Variants in GART observed in about 807,000 individuals in gnomAD.
The protein encoded by GART is trifunctional purine biosynthetic protein adenosine-3.
Under a neutral mutation model 107.2 loss-of-function variants are expected in GART, and 43 were observed. That is an observed-to-expected ratio of 0.40 (90% CI 0.31 to 0.52). The LOEUF (loss-of-function observed/expected upper bound fraction) is 0.52. GART is among the 20% of genes least tolerant of loss of function. GART has a pLI of 0.52. For missense variants in GART, 1,107 were observed against 1,206.5 expected, an observed-to-expected ratio of 0.92 and a Z score of 1.22; for synonymous variants, 434 against 427.0, an observed-to-expected ratio of 1.02 and a Z score of -0.20.
At chr21:33,517,681 C>G in intron 14 of GART, 73 bp from the exon 15 acceptor site, 2 of 1,476,468 alleles carry the variant, frequency 1.4e-6, no homozygotes, top group East Asian at 4.5e-5. Context: ...GCACAGGCTA[C>G]TCTTAACATG....
intron 4 of GART, 119 bp from the exon 5 acceptor site, chr21:33,532,575 T>C: frequency 2.7e-6 from 2 of 733,456 alleles, no homozygotes; most frequent in Non-Finnish European, 4.6e-6. Flanking sequence ...AAGAAAAAAA[T>C]TAATTATCAT....
In GART at chr21:33,509,870, C is replaced by G. The variant is rs2084753431; in HGVS notation, c.2365G>C (p.Gly789Arg). 8.1e-6 allele frequency: 13 copies of G among 1,613,108 alleles called. No homozygotes were observed. The highest frequency in any genetic ancestry group is 1.0e-5 in the Non-Finnish European group (12 of 1,179,384). ...AGGGAGCCATTCTTCAACACTGACC[C>G]ATTTATTTGCATGCTTTCAATCAGA... ...KNLIESMQIN[G>R]SVLKNGSLTN... The change falls in exon 18 of 22, where the codon GGG becomes CGG. Residue 789 changes from glycine to arginine, a missense_variant. Coordinates refer to ENST00000381815, the MANE Select transcript of GART (RefSeq NM_000819.5).
At position 33,509,767 on chromosome 21, in the gene GART, G is replaced by T. The variant is rs756529408; in HGVS notation, c.2452+16C>A. 6.2e-7 allele frequency: 1 copy of T among 1,612,520 alleles called. No individual in the cohort carries two copies. The highest frequency in any genetic ancestry group is 1.1e-5 in the South Asian group (1 of 90,658). On this transcript the variant is annotated intron_variant, in intron 18 of 21. Transcript: ENST00000381815. ...GCAGTCAACAGCTCTACAGTGAAGG[G>T]GAAGCCACATCTCACCTGTTCCAGA...
intron 3 of GART, 126 bp downstream of exon 3, chr21:33,535,097 CGA>C: frequency 4.9e-6 from 3 of 608,124 alleles, no homozygotes; most frequent in East Asian, 3.1e-5. Context: ...CCATAAATTT[CGA>C]GAGTGGAAGC....
At chr21:33,532,112 A>G in intron 5 of GART, 1 of 463,460 alleles carries the variant, frequency 2.2e-6, no homozygotes, top group Non-Finnish European at 3.8e-6. Context: ...TCAGTGGCAG[A>G]CAACAAAGGA....
At chr21:33,524,129 T>C in intron 11 of GART, 1 of 985,394 alleles carries the variant, frequency 1.0e-6, no homozygotes, top group South Asian at 4.7e-5. Flanking sequence ...AAAATGAGAC[T>C]GTCAAACTTT....
At chr21:33,510,047 T>A in intron 17 of GART, 127 bp from the exon 18 acceptor site, 1 of 804,444 alleles carries the variant, frequency 1.2e-6, no homozygotes, top group Non-Finnish European at 1.9e-6. Context: ...ATGCAAGGAC[T>A]AAAATGAACA....
Position 33,520,511 on chromosome 21 carries a change from T to C in GART, c.1555A>G (p.Met519Val). The C allele has an allele frequency of 6.2e-7, 1 of 1,614,160 alleles. No individual in the cohort carries two copies. Among genetic ancestry groups the C allele is most frequent in the Non-Finnish European group, 8.5e-7 (1 of 1,180,022 alleles). ...TGTGCCAGAATATCATTAACACACA[T>C]TGCTACCAAATCTTGACCAATGGTA... ...HDTIGQDLVA[M>V]CVNDILAQGA... The change falls in exon 14 of 22, where the codon ATG becomes GTG. Residue 519 changes from methionine (M) to valine (V), a missense_variant. Met to Val is a conservative substitution (Grantham distance 21, BLOSUM62 1). Coordinates refer to ENST00000381815, the MANE Select transcript of GART (RefSeq NM_000819.5).
At chr21:33,525,082 TTC>T in intron 10 of GART, 82 bp from the exon 11 acceptor site, 1 of 1,462,556 alleles carries the variant, frequency 6.8e-7, no homozygotes, top group Non-Finnish European at 9.0e-7. Context: ...TTCCACAAGT[TTC>T]TTTTTTTTTT....
At chr21:33,504,985 A>G (rs755546500) in intron 20 of GART, among the ~76,000 whole-genome samples, 4 of 152,130 alleles carry the variant, frequency 2.6e-5, no homozygotes, top group African/African-American at 4.8e-5. Flanking sequence ...AACTACATTC[A>G]CCTAAGAATA....
At chr21:33,534,556 T>A in intron 4 of GART, 23 bp downstream of exon 4, 6 of 1,613,596 alleles carry the variant, frequency 3.7e-6, no homozygotes, top group Non-Finnish European at 5.1e-6. Context: ...ACAACTGTCC[T>A]TCACAGACAA....
chr21:33,534,797 A>G (rs1409641933), intron 3 of GART, 44 bp from the exon 4 acceptor site: 20 of 1,501,252 alleles, frequency 1.3e-5, no homozygotes, highest in Admixed American at 2.4e-5. Context: ...AGGTCTCCCC[A>G]GGGGCTTTTC....
At chr21:33,521,075 A>G in intron 12 of GART, 60 bp from the exon 13 acceptor site, 1 of 1,367,398 alleles carries the variant, frequency 7.3e-7, no homozygotes, top group East Asian at 2.3e-5. Context: ...GTAATTATTT[A>G]AATGTCTACT....
At position 33,511,270 on chromosome 21, in the gene GART, C is replaced by T. The variant is rs1197904708; in HGVS notation, c.2296G>A (p.Val766Met). The part of the protein sequence containing the change: ...HKEEAWVIGS[V>M]VARAEGSPRV... ...CAAGTACCTTCAGCTCGTGCAACCA[C>T]ACTGCCAATCACCCAGGCTTCTTCC... The change falls in exon 17 of 22, where the codon GTG (valine) becomes ATG (methionine). Residue 766 changes from valine (V) to methionine (M), a missense_variant. Physicochemically the swap from Val to Met is conservative, Grantham distance 21 (BLOSUM62 1). Transcript: ENST00000381815. 1.2e-6 allele frequency: 2 copies of T among 1,614,188 alleles called. No homozygotes were observed. Among genetic ancestry groups the T allele is most frequent in the East Asian group, 2.2e-5 (1 of 44,886 alleles).
chr21:33,528,772 AG>A lies in GART; in HGVS notation c.811+77del, dbSNP rs1462010149. 48 of 1,065,990 alleles carry A rather than the reference AG, an allele frequency of 4.5e-5. No homozygotes were observed. The African/African-American group carries it at 5.5e-4, about 12-fold the overall frequency. 66.0% of individuals were successfully genotyped at this position (1,065,990 alleles called of 1,614,324 possible). ...AAAAAGTGGTAAAAAAAAAAAAAAAAGGGAATGGAAAATAAGTTTTATCAAA... is the reference window on the plus strand; with the variant it reads ...AAAAAGTGGTAAAAAAAAAAAAAAAAGGAATGGAAAATAAGTTTTATCAAA... On this transcript the variant is annotated intron_variant, in intron 8 of 21. Coordinates refer to ENST00000381815, the MANE Select transcript of GART (RefSeq NM_000819.5).
intron 5 of GART, 177 bp downstream of exon 5, chr21:33,532,168 G>C (rs1172670924): frequency 5.0e-6 from 3 of 594,578 alleles, no homozygotes; most frequent in African/African-American, 1.9e-5. Context: ...TTAATTTACA[G>C]TGTAAATCCA....
chr21:33,535,329 A>AG lies in GART; in HGVS notation c.146-10dup. The AG allele has an allele frequency of 8.9e-7, 1 of 1,125,310 alleles. No homozygotes were observed. Among genetic ancestry groups the AG allele is most frequent in the Non-Finnish European group, 1.3e-6 (1 of 799,908 alleles). The allele number at this position is 1,125,310 out of a possible 1,614,324, so 69.7% of individuals were successfully genotyped here. On this transcript the variant is annotated splice_polypyrimidine_tract_variant and intron_variant, in intron 2 of 21. Coordinates refer to ENST00000381815, the MANE Select transcript of GART (RefSeq NM_000819.5). Reference sequence around the variant, plus strand: ...GTCACTGATTGAGATGGCTGTAAACAGAAAAAAAAAAAAAAAAACCACTGC... The same window carrying AG: ...GTCACTGATTGAGATGGCTGTAAACAGGAAAAAAAAAAAAAAAAACCACTGC...
chr21:33,536,992 T>C (rs948846680), intron 2 of GART, among the ~76,000 whole-genome samples: 17 of 152,110 alleles, frequency 1.1e-4, no homozygotes, highest in Admixed American at 9.2e-4. Flanking sequence ...CCAGAAAAGG[T>C]AGGGTCCTCA....
chr21:33,511,343 T>A lies in GART; in HGVS notation c.2223A>T (p.Val741=). ...GAATCTGCTCTGTCTGCTCCTTTGA[T>A]ACCACAAGGACAGCGCCAACCCCAC... ...FNCGVGAVLV[V]SKEQTEQILR... The change falls in exon 17 of 22, where the codon GTA becomes GTT. Residue 741 remains valine (V), a synonymous_variant. Coordinates refer to ENST00000381815, the MANE Select transcript of GART (RefSeq NM_000819.5). 1 of 1,614,198 alleles carries A rather than the reference T, an allele frequency of 6.2e-7. No homozygotes were observed. Among genetic ancestry groups the A allele is most frequent in the South Asian group, 1.1e-5 (1 of 91,092 alleles).
Sources: allele counts gnomAD v4.1 joint callset (sites outside exome capture counted in the v4.1 genomes callset), GRCh38; gene constraint gnomAD v4.1.1; transcripts MANE v1.5; gene names NCBI Gene and HGNC (gene_info 2026-07-23, HGNC 2026-07-21).